MYO10: variants seen among roughly 807,000 people sequenced by gnomAD.
The protein encoded by MYO10 is unconventional myosin-X.
MYO10 carries 133 observed loss-of-function variants against 257.3 expected under a neutral mutation model. That is an observed-to-expected ratio of 0.52 (90% CI 0.45 to 0.60). The LOEUF (loss-of-function observed/expected upper bound fraction) is 0.60, where lower values mean the gene tolerates loss of function less well. MYO10 is among the 20% of genes least tolerant of loss of function. The pLI, the probability that MYO10 is intolerant of heterozygous loss-of-function variation, is 0.00. For missense variants in MYO10, 2,399 were observed against 2,635.7 expected (o/e 0.91, Z 1.97); for synonymous variants, 1,104 against 1,028.6 (o/e 1.07, Z -1.40).
At chr5:16,748,498 G>GC (rs966568204) in intron 19 of MYO10, among the ~76,000 whole-genome samples, 15 of 74,120 alleles carry the variant, frequency 2.0e-4, no homozygotes, top group East Asian at 1.7e-3. Flanking sequence ...GCGCCCCCCC[G>GC]CCCCCCATCA....
intron 18 of MYO10, among the ~76,000 whole-genome samples, chr5:16,756,862 A>T (rs1199487602): frequency 6.6e-6 from 1 of 152,090 alleles, no homozygotes; most frequent in Non-Finnish European, 1.5e-5. Flanking sequence ...GCACTTTGGG[A>T]GGCTGAGGCA....
rs1241445607 is a variant in MYO10 at position 16,665,485 on chromosome 5, A to G, written c.*1207T>C. The G allele has an allele frequency of 6.6e-6, 1 of 152,210 alleles. No individual in the cohort carries two copies. The highest frequency in any genetic ancestry group is 1.5e-5 in the Non-Finnish European group (1 of 68,028). 9.4% of individuals were successfully genotyped at this position (152,210 alleles called of 1,614,324 possible). Reference sequence around the variant, plus strand: ...CAGATTATTTTTCTTCTGGTCATAAATGCTGATTTATTTACAGGTGCCTTG... The same window carrying G: ...CAGATTATTTTTCTTCTGGTCATAAGTGCTGATTTATTTACAGGTGCCTTG... On this transcript the variant is annotated 3_prime_UTR_variant, in exon 41 of 41. Coordinates refer to ENST00000513610, the MANE Select transcript of MYO10 (RefSeq NM_012334.3).
intron 2 of MYO10, among the ~76,000 whole-genome samples, chr5:16,844,414 A>T (rs1411430880): frequency 6.8e-6 from 1 of 146,656 alleles, no homozygotes; most frequent in Non-Finnish European, 1.5e-5. Context: ...TTCTCTTTTC[A>T]TTTTTTTTTT....
chr5:16,764,408 A>T lies in MYO10; in HGVS notation c.1180-12T>A, dbSNP rs1428872396. 1.2e-6 allele frequency: 2 copies of T among 1,613,314 alleles called. No individual in the cohort carries two copies. The highest frequency in any genetic ancestry group is 2.7e-5 in the African/African-American group (2 of 74,894). On this transcript the variant is annotated splice_polypyrimidine_tract_variant and intron_variant, in intron 11 of 40. Transcript: ENST00000513610. ...CTGCTGTCTACTGCCTGTGGGAGAG[A>T]AACCAGCACAGACTCAGCTGACCCC...
intron 2 of MYO10, among the ~76,000 whole-genome samples, chr5:16,850,055 G>A (rs957191544): frequency 3.0e-4 from 45 of 152,236 alleles, no homozygotes; most frequent in South Asian, 2.5e-3. Flanking sequence ...CTTTAGACCC[G>A]GAATTTCTAT....
chr5:16,883,673 C>A (rs1156582560), intron 1 of MYO10, among the ~76,000 whole-genome samples: 2 of 152,240 alleles, frequency 1.3e-5, no homozygotes, highest in African/African-American at 4.8e-5. Context: ...AATATTGACA[C>A]ACAAAGTTGC....
At chr5:16,711,349 A>C in intron 19 of MYO10, 104 bp from the exon 20 acceptor site, 1 of 1,162,008 alleles carries the variant, frequency 8.6e-7, no homozygotes, top group East Asian at 2.6e-5. Flanking sequence ...CCCGCTTCAA[A>C]ACACATACGA....
At chr5:16,838,316 CAA>C (rs1408425059) in intron 2 of MYO10, among the ~76,000 whole-genome samples, 1 of 152,132 alleles carries the variant, frequency 6.6e-6, no homozygotes, top group East Asian at 1.9e-4. Flanking sequence ...CTACAGTGAA[CAA>C]ATGAATGAAA....
chr5:16,855,425 T>A (rs1228946733), intron 2 of MYO10, among the ~76,000 whole-genome samples: 1 of 152,042 alleles, frequency 6.6e-6, no homozygotes, highest in Non-Finnish European at 1.5e-5. Context: ...GACCTTTTGG[T>A]GGAGGGAAAA....
chr5:16,893,896 G>A (rs1745148285), intron 1 of MYO10, among the ~76,000 whole-genome samples: 1 of 152,170 alleles, frequency 6.6e-6, no homozygotes, highest in Admixed American at 6.5e-5. Context: ...CCAGCAGTGG[G>A]TGGGCACCAG....
In MYO10 at chr5:16,668,355, G is replaced by T. The variant is rs1346451960; in HGVS notation, c.5997C>A (p.Ile1999=). The T allele has an allele frequency of 6.2e-6, 10 of 1,613,842 alleles. No homozygotes were observed. The highest frequency in any genetic ancestry group is 8.5e-6 in the Non-Finnish European group (10 of 1,179,884). The change falls in exon 40 of 41, where the codon ATC becomes ATA. Residue 1999 remains isoleucine (I), a synonymous_variant. Coordinates refer to ENST00000513610, the MANE Select transcript of MYO10 (RefSeq NM_012334.3). ...TCGCCAGGGGTGCCCCAAAAGAGAG[G>T]ATGTGTTCATACTGGAAGACTTCCA... ...RPLEVFQYEH[I]LSFGAPLANT...
chr5:16,735,330 A>C (rs1486618099), intron 19 of MYO10, among the ~76,000 whole-genome samples: 1 of 152,160 alleles, frequency 6.6e-6, no homozygotes, highest in Non-Finnish European at 1.5e-5. Flanking sequence ...TAATGGAGAG[A>C]GCTGTAGGGC....
intron 1 of MYO10, among the ~76,000 whole-genome samples, chr5:16,900,001 A>G (rs1190065451): frequency 2.3e-5 from 1 of 43,940 alleles, no homozygotes; most frequent in Non-Finnish European, 4.9e-5. Context: ...CTGTCTCAAA[A>G]AAAAAAAAAA....
chr5:16,896,781 C>T (rs1425603347), intron 1 of MYO10, among the ~76,000 whole-genome samples: 1 of 152,040 alleles, frequency 6.6e-6, no homozygotes, highest in African/African-American at 2.4e-5. Context: ...CTGCACTGAG[C>T]CAGTGCTCCA....
chr5:16,830,646 T>C (rs929310996), intron 2 of MYO10, among the ~76,000 whole-genome samples: 2 of 135,764 alleles, frequency 1.5e-5, no homozygotes, highest in African/African-American at 5.3e-5. Flanking sequence ...TATGCATATA[T>C]GTAGTATAAT....
chr5:16,824,798 C>T (rs1273976591), intron 2 of MYO10, among the ~76,000 whole-genome samples: 3 of 151,996 alleles, frequency 2.0e-5, no homozygotes, highest in Admixed American at 6.6e-5. Flanking sequence ...ACCCGGGAGG[C>T]GGAGGTTGCA....
Position 16,881,439 on chromosome 5 carries a change from T to C in MYO10, c.22-3732A>G, listed in dbSNP as rs75399916. 3.8e-3 allele frequency among the ~76,000 whole-genome samples: 580 copies of C among 152,304 alleles called. 3 individuals carry two copies. Among genetic ancestry groups the C allele is most frequent in the African/African-American group, 0.013 (554 of 41,562 alleles). ...ATGATCAAATACACAGTTCAGCTCC[T>C]GCAGTCCAAAGGTCTTCTCCAACAG... On this transcript the variant is annotated intron_variant, in intron 1 of 40. Transcript: ENST00000513610.
At chr5:16,741,773 T>G (rs990213981) in intron 19 of MYO10, 1 of 981,214 alleles carries the variant, frequency 1.0e-6, no homozygotes, top group Non-Finnish European at 1.2e-6. Flanking sequence ...ATGAAACTTT[T>G]AAGCAGAACA....
Position 16,666,507 on chromosome 5 carries a change from C to A in MYO10, c.*185G>T, listed in dbSNP as rs142933975. ...CTGTGCAGACTGTTAAAGTTGACAG[C>A]TTAATACAGGATCAATGAAGGCGGC... On this transcript the variant is annotated 3_prime_UTR_variant, in exon 41 of 41. Transcript: ENST00000513610. 1.3e-3 allele frequency: 764 copies of A among 580,676 alleles called. 7 individuals carry two copies. Among genetic ancestry groups the A allele is most frequent in the African/African-American group, 0.013 (684 of 53,034 alleles). The allele number at this position is 580,676 out of a possible 1,614,324, so 36.0% of individuals were successfully genotyped here.
Sources: gnomAD v4.1 joint callset for allele counts (sites outside exome capture counted in the v4.1 genomes callset) on GRCh38, gnomAD v4.1.1 for gene constraint, MANE v1.5 for transcripts, NCBI Gene and HGNC (gene_info 2026-07-23, HGNC 2026-07-21) for gene names.